The following AKAP13 variants were observed in gnomAD, a reference collection of about 807,000 sequenced individuals.
The protein encoded by AKAP13 is A-kinase anchor protein 13.
A neutral mutation model predicts 264.5 loss-of-function variants in AKAP13; 80 were observed. The ratio of observed to expected loss-of-function variants is 0.30; its 90% CI spans 0.25 to 0.36. AKAP13 has a LOEUF of 0.36. Ranked by LOEUF, AKAP13 falls within the 10% of genes least tolerant of loss-of-function variation. AKAP13 has a pLI of 1.00. For synonymous variants in AKAP13, 1,380 were observed against 1,250.2 expected (o/e 1.10, Z -2.19); for missense variants, 3,712 against 3,435.2 (o/e 1.08, Z -2.01).
At chr15:85,690,693 C>T (rs555616396) in intron 16 of AKAP13, among the ~76,000 whole-genome samples, 2 of 152,276 alleles carry the variant, frequency 1.3e-5, no homozygotes, top group South Asian at 4.1e-4. Flanking sequence ...AGTCAGAAGA[C>T]CTGGGTTCCC....
At chr15:85,688,536 G>GAT (rs1413310275) in intron 16 of AKAP13, among the ~76,000 whole-genome samples, 1 of 152,064 alleles carries the variant, frequency 6.6e-6, no homozygotes, top group African/African-American at 2.4e-5. Flanking sequence ...CCTTTTGCAT[G>GAT]ATATATATAT....
intron 19 of AKAP13, among the ~76,000 whole-genome samples, chr15:85,715,516 T>C (rs966047428): frequency 8.5e-5 from 13 of 152,094 alleles, no homozygotes; most frequent in Non-Finnish European, 1.6e-4. Flanking sequence ...CTATCCTCCA[T>C]GGAGTTTTTA....
At chr15:85,560,163 A>G (rs1374990660) in intron 5 of AKAP13, among the ~76,000 whole-genome samples, 1 of 150,152 alleles carries the variant, frequency 6.7e-6, no homozygotes, top group African/African-American at 2.5e-5. Flanking sequence ...AAAAACAGTA[A>G]AAATAAAATA....
chr15:85,438,815 A>G (rs1596174754), intron 1 of AKAP13, among the ~76,000 whole-genome samples: 1 of 152,028 alleles, frequency 6.6e-6, no homozygotes. Flanking sequence ...ACAAAAATCA[A>G]TTCAAGATGG....
chr15:85,471,604 G>A (rs887533058), intron 1 of AKAP13, among the ~76,000 whole-genome samples: 11 of 152,194 alleles, frequency 7.2e-5, no homozygotes, highest in African/African-American at 2.4e-4. Context: ...TGATAACTGC[G>A]TACGTAACCA....
chr15:85,726,928 T>C (rs2087653256), intron 27 of AKAP13, 138 bp from the exon 28 acceptor site: 5 of 867,018 alleles, frequency 5.8e-6, no homozygotes, highest in Non-Finnish European at 8.9e-6. Flanking sequence ...GAGATACTTC[T>C]CTTTATCCTA....
intron 8 of AKAP13, among the ~76,000 whole-genome samples, chr15:85,592,044 ATC>A (rs2079603229): frequency 8.4e-6 from 1 of 119,306 alleles, no homozygotes; most frequent in Non-Finnish European, 1.7e-5. Flanking sequence ...CAGAACCATG[ATC>A]TTTTTTTTTT....
At chr15:85,521,116 C>G (rs554063879) in intron 2 of AKAP13, among the ~76,000 whole-genome samples, 2 of 152,338 alleles carry the variant, frequency 1.3e-5, no homozygotes, top group East Asian at 1.9e-4. Flanking sequence ...CTGCCCCTCC[C>G]CTTTTTAACC....
chr15:85,624,892 T>G (rs940327316), intron 8 of AKAP13, among the ~76,000 whole-genome samples: 1 of 152,246 alleles, frequency 6.6e-6, no homozygotes, highest in African/African-American at 2.4e-5. Flanking sequence ...GTCAGAAATT[T>G]CAGAGTAACC....
rs754632804 is a variant in AKAP13, at chr15:85,684,785, A to G, written c.5201A>G (p.Lys1734Arg). Residue 1734 changes from lysine to arginine, a missense_variant, in exon 16 of 37, where the codon AAG becomes AGG. Coordinates refer to ENST00000394518, the MANE Select transcript of AKAP13 (RefSeq NM_007200.5). Reference sequence around the variant, plus strand: ...AATTTCCTGCCACATAGCCCCTCCAAGAAAGATTCTGAATGGAAGAGTGGA... The same window carrying G: ...AATTTCCTGCCACATAGCCCCTCCAGGAAAGATTCTGAATGGAAGAGTGGA... The part of the protein sequence containing the change: ...NYNFLPHSPS[K>R]KDSEWKSGTK... 1.9e-6 allele frequency: 3 copies of G among 1,613,764 alleles called. No individual in the cohort carries two copies. Among genetic ancestry groups the G allele is most frequent in the African/African-American group, 2.7e-5 (2 of 74,950 alleles).
chr15:85,410,648 A>G (rs187517850), intron 1 of AKAP13, among the ~76,000 whole-genome samples: 1 of 151,358 alleles, frequency 6.6e-6, no homozygotes, highest in Admixed American at 6.6e-5. Flanking sequence ...CGACTCTCAG[A>G]TTTACCATCT....
At chr15:85,673,625 G>A (rs2084037645) in intron 14 of AKAP13, among the ~76,000 whole-genome samples, 1 of 142,750 alleles carries the variant, frequency 7.0e-6, no homozygotes, top group East Asian at 2.1e-4. Context: ...ATTTTCACAT[G>A]TATAGAATTC....
chr15:85,676,868 A>G (rs549207796), intron 14 of AKAP13: 1 of 876,468 alleles, frequency 1.1e-6, no homozygotes, highest in South Asian at 5.3e-5. Context: ...CCTAGACAGC[A>G]TTTCCCGGAA....
Position 85,385,051 on chromosome 15 carries a change from C to T in AKAP13, c.-12+4253C>T, listed in dbSNP as rs566592982. Among the ~76,000 whole-genome samples, 27 of 152,304 alleles carry T rather than the reference C, an allele frequency of 1.8e-4. No individual in the cohort carries two copies. In the South Asian group the frequency reaches 3.1e-3, roughly 18 times the overall value. ...GTGAGGTTTTTGACCATTTATGTCA[C>T]TCTGTAAGCTCTTCTCTGGCTACTT... is the stretch of plus-strand genomic sequence containing the variant. On this transcript the variant is annotated intron_variant, in intron 1 of 36. Transcript: ENST00000394518.
chr15:85,502,284 A>G (rs906183927), intron 2 of AKAP13, among the ~76,000 whole-genome samples: 3 of 152,236 alleles, frequency 2.0e-5, no homozygotes, highest in Admixed American at 6.5e-5. Flanking sequence ...GGTAGTATGT[A>G]TATTACAGGA....
At chr15:85,599,930 C>T (rs1434044443) in intron 8 of AKAP13, among the ~76,000 whole-genome samples, 1 of 152,022 alleles carries the variant, frequency 6.6e-6, no homozygotes, top group South Asian at 2.1e-4. Context: ...TTTTTTAAAA[C>T]TTGGAGTCAC....
rs1478108852 is a variant in AKAP13 at position 85,718,237 on chromosome 15, G to T, written c.6001+78G>T. 2.7e-5 allele frequency: 42 copies of T among 1,545,220 alleles called. No individual in the cohort carries two copies. The highest frequency in any genetic ancestry group is 3.6e-4 in the Middle Eastern group (2 of 5,506). On this transcript the variant is annotated intron_variant, in intron 22 of 36. Transcript: ENST00000394518. The surrounding 1 kb of genome is among the most constrained non-coding windows in gnomAD (Gnocchi z 4.9). ...TTTAAGCAGTAATTTGTTGGACTAT[G>T]AAAAATCAGTTTTTTAGTATGTGGC... is the stretch of plus-strand genomic sequence containing the variant.
intron 1 of AKAP13, among the ~76,000 whole-genome samples, chr15:85,437,642 C>T (rs940581373): frequency 2.6e-5 from 4 of 152,176 alleles, no homozygotes; most frequent in African/African-American, 9.7e-5. Flanking sequence ...GGGCTTCATC[C>T]CGGGATGCAA....
rs112484391 is a variant in AKAP13 at position 85,580,254 on chromosome 15, C to T, written c.2186C>T (p.Ala729Val). The T allele has an allele frequency of 1.2e-5, 20 of 1,614,078 alleles. No individual in the cohort carries two copies. Among genetic ancestry groups the T allele is most frequent in the Middle Eastern group, 1.6e-4 (1 of 6,084 alleles). The change falls in exon 7 of 37, where the codon GCG (alanine) becomes GTG (valine). Residue 729 changes from alanine (A) to valine (V), a missense_variant. By Grantham distance (64) the Ala-to-Val change is moderately conservative (BLOSUM62 0). Coordinates refer to ENST00000394518, the MANE Select transcript of AKAP13 (RefSeq NM_007200.5). Reference sequence around the variant, plus strand: ...CCTGTAAGGGATACCCAGGAACGTGCGGATTTTTGTCCTTTCAAAGTGGTG... The same window carrying T: ...CCTGTAAGGGATACCCAGGAACGTGTGGATTTTTGTCCTTTCAAAGTGGTG... Reference protein sequence around the residue: ...SDPVRDTQERADFCPFKVVDN... With the variant: ...SDPVRDTQERVDFCPFKVVDN...
Sources: allele counts gnomAD v4.1 joint callset (sites outside exome capture counted in the v4.1 genomes callset), GRCh38; gene constraint gnomAD v4.1.1; non-coding constraint Gnocchi (gnomAD v3.1); transcripts MANE v1.5; gene names NCBI Gene and HGNC (gene_info 2026-07-23, HGNC 2026-07-21).